XPO1: variants seen among roughly 807,000 people sequenced by gnomAD.
XPO1 encodes exportin 1, also known as exportin-1.
A neutral mutation model predicts 133.3 loss-of-function variants in XPO1; 5 were observed. The ratio of observed to expected loss-of-function variants is 0.04; its 90% CI spans 0.02 to 0.08. The LOEUF (loss-of-function observed/expected upper bound fraction) is 0.08, where lower values mean the gene tolerates loss of function less well. Ranked by LOEUF, XPO1 falls within the 10% of genes least tolerant of loss-of-function variation. XPO1 has a pLI of 1.00. For missense variants in XPO1, 506 were observed against 1,267.5 expected, an observed-to-expected ratio of 0.40 and a Z score of 9.12; for synonymous variants, 419 against 408.2, an observed-to-expected ratio of 1.03 and a Z score of -0.32.
At chr2:61,518,417 A>AAAAC (rs1454103179) in intron 4 of XPO1, among the ~76,000 whole-genome samples, 5 of 124,524 alleles carry the variant, frequency 4.0e-5, no homozygotes, top group South Asian at 2.4e-4. Context: ...CAAAAAACAA[A>AAAAC]ACACACACAC....
At chr2:61,502,103 C>G in intron 5 of XPO1, 63 bp from the exon 6 acceptor site, 3 of 1,526,226 alleles carry the variant, frequency 2.0e-6, no homozygotes, top group Non-Finnish European at 2.7e-6. Context: ...TATAACCAGA[C>G]AATCCTAACA....
chr2:61,518,987 T>G (rs1698549536), intron 4 of XPO1, among the ~76,000 whole-genome samples: 1 of 152,148 alleles, frequency 6.6e-6, no homozygotes, highest in South Asian at 2.1e-4. Flanking sequence ...TGAGATGAAG[T>G]CTCGCTCTGT....
chr2:61,492,606 A>G lies in XPO1; in HGVS notation c.1527T>C (p.His509=), dbSNP rs1558639628. ...WAIGSISGAM[H]EEDEKRFLVT... ...CAAGAAATCGTTTTTCGTCCTCTTC[A>G]TGCATTGCTCCACTAATGGAGCCTA... Residue 509 remains histidine, a synonymous_variant, in exon 14 of 25, where the codon CAT becomes CAC. Coordinates refer to ENST00000401558, the MANE Select transcript of XPO1 (RefSeq NM_003400.4). The surrounding 1 kb of genome is among the most constrained non-coding windows in gnomAD (Gnocchi z 5.6). 6.2e-7 allele frequency: 1 copy of G among 1,613,822 alleles called. No individual in the cohort carries two copies. Among genetic ancestry groups the G allele is most frequent in the Admixed American group, 1.7e-5 (1 of 59,970 alleles).
chr2:61,508,858 AAGAG>A (rs1697950084), intron 4 of XPO1, among the ~76,000 whole-genome samples: 1 of 152,242 alleles, frequency 6.6e-6, no homozygotes. Context: ...CTGACTTATT[AAGAG>A]AAAGATGCAG....
chr2:61,519,819 T>C (rs757176845), intron 4 of XPO1, among the ~76,000 whole-genome samples: 1 of 151,808 alleles, frequency 6.6e-6, no homozygotes. Context: ...AATTTTGGCA[T>C]ACTCTTATGC....
chr2:61,522,569 G>C (rs1698746658), intron 4 of XPO1, 42 bp downstream of exon 4: 2 of 1,572,906 alleles, frequency 1.3e-6, no homozygotes, highest in Non-Finnish European at 1.7e-6. Flanking sequence ...AAAAATGCCA[G>C]GAAAAACAAA....
intron 20 of XPO1, 167 bp downstream of exon 20, chr2:61,485,601 G>C (rs1696653959): frequency 1.1e-5 from 7 of 648,248 alleles, no homozygotes; most frequent in South Asian, 2.8e-5. Context: ...TCAAACTCCT[G>C]GGAAGTAAGT....
rs1699261787 is a variant in XPO1 at position 61,533,922 on chromosome 2, A to C, written c.-6-19T>G. 1 of 1,510,094 alleles carries C rather than the reference A, an allele frequency of 6.6e-7. No individual in the cohort carries two copies. 93.5% of individuals were successfully genotyped at this position (1,510,094 alleles called of 1,614,324 possible). A position where few individuals can be genotyped will look rare whatever the true frequency, so the allele number is the denominator to read the frequency against. On this transcript the variant is annotated intron_variant, in intron 1 of 24. Coordinates refer to ENST00000401558, the MANE Select transcript of XPO1 (RefSeq NM_003400.4). ...TAGATTACTGAAAATAAAGAAAAAA[A>C]ATTGAAGCTGCCTATCAAGTTTTGG...
At chr2:61,524,009 A>C (rs566136909) in intron 3 of XPO1, among the ~76,000 whole-genome samples, 3 of 152,344 alleles carry the variant, frequency 2.0e-5, no homozygotes, top group South Asian at 2.1e-4. Context: ...TAACCTGTTC[A>C]CTTTTAAAAA....
intron 11 of XPO1, among the ~76,000 whole-genome samples, 187 bp downstream of exon 11, chr2:61,495,268 T>C (rs912773528): frequency 2.0e-5 from 3 of 152,178 alleles, no homozygotes; most frequent in African/African-American, 4.8e-5. Flanking sequence ...CCTAGCTTTA[T>C]GGAGAACATA....
intron 4 of XPO1, among the ~76,000 whole-genome samples, chr2:61,519,086 G>T (rs1221064083): frequency 6.6e-6 from 1 of 152,104 alleles, no homozygotes; most frequent in African/African-American, 2.4e-5. Context: ...GAGTAGCTGG[G>T]ATTACAGGCA....
intron 1 of XPO1, chr2:61,536,142 G>A (rs896991326): frequency 2.0e-5 from 3 of 152,158 alleles, no homozygotes; most frequent in African/African-American, 4.8e-5. Flanking sequence ...TAGAATAGAA[G>A]GATTTAAATA....
At chr2:61,483,728 C>T (rs1011930547) in intron 21 of XPO1, 24 of 516,662 alleles carry the variant, frequency 4.6e-5, no homozygotes, top group Middle Eastern at 5.3e-4. Context: ...ATTACTAGGC[C>T]GCTCTCCCCA....
intron 6 of XPO1, among the ~76,000 whole-genome samples, chr2:61,501,119 G>A (rs1317965095): frequency 2.0e-5 from 3 of 152,018 alleles, no homozygotes; most frequent in Non-Finnish European, 4.4e-5. Flanking sequence ...TCAGAGAAGG[G>A]CTAACAGAAA....
chr2:61,519,468 C>T (rs572185614), intron 4 of XPO1, among the ~76,000 whole-genome samples: 4 of 149,840 alleles, frequency 2.7e-5, no homozygotes, highest in African/African-American at 7.4e-5. Context: ...GAGGCCGAGG[C>T]GGGAGGACCA....
intron 4 of XPO1, among the ~76,000 whole-genome samples, chr2:61,520,405 G>A (rs1005743288): frequency 3.9e-5 from 6 of 152,050 alleles, no homozygotes; most frequent in Non-Finnish European, 7.4e-5. Context: ...CCAGCACTCT[G>A]GCAGGCCAAG....
rs375167349 is a variant in XPO1 at position 61,516,861 on chromosome 2, CT to C, written c.301+5749del. On this transcript the variant is annotated intron_variant, in intron 4 of 24. Transcript: ENST00000401558. Reference sequence around the variant, plus strand: ...CCAACAGGAACAAAGGAGGCTTCCTCTTTTTTTTTATTTGAATTATCTAAAT... The same window carrying C: ...CCAACAGGAACAAAGGAGGCTTCCTCTTTTTTTTATTTGAATTATCTAAAT... 8.9e-3 allele frequency among the ~76,000 whole-genome samples: 1,344 copies of C among 151,282 alleles called. 23 individuals carry two copies. Among genetic ancestry groups the C allele is most frequent in the African/African-American group, 0.028 (1,156 of 41,276 alleles).
intron 4 of XPO1, among the ~76,000 whole-genome samples, chr2:61,506,949 G>C (rs1171901365): frequency 6.6e-6 from 1 of 152,028 alleles, no homozygotes; most frequent in Non-Finnish European, 1.5e-5. Flanking sequence ...GGTGAAGAAG[G>C]CCGGGCGCGG....
intron 9 of XPO1, 96 bp from the exon 10 acceptor site, chr2:61,497,103 A>C: frequency 6.9e-7 from 1 of 1,445,900 alleles, no homozygotes; most frequent in Non-Finnish European, 9.2e-7. Context: ...TTAACAATTA[A>C]ATATAGGGGT....
Sources: gnomAD v4.1 joint callset for allele counts (sites outside exome capture counted in the v4.1 genomes callset) on GRCh38, gnomAD v4.1.1 for gene constraint, Gnocchi (gnomAD v3.1) non-coding constraint, MANE v1.5 for transcripts, NCBI Gene and HGNC (gene_info 2026-07-23, HGNC 2026-07-21) for gene names.